The following SP3 variants were observed in gnomAD, a reference collection of about 807,000 sequenced individuals.
The protein encoded by SP3 is transcription factor Sp3.
In SP3, 10 loss-of-function variants were observed where a neutral mutation model predicts 70.3. The ratio of observed to expected loss-of-function variants is 0.14; its 90% confidence interval spans 0.09 to 0.24. SP3 has a LOEUF of 0.24. Among genes scored for constraint, SP3 ranks in the 10% least tolerant of loss-of-function variants. The pLI is 1.00. For synonymous variants in SP3, 402 were observed against 333.5 expected, an observed-to-expected ratio of 1.21 and a Z score of -2.24; for missense variants, 825 against 914.6, an observed-to-expected ratio of 0.90 and a Z score of 1.26.
At chr2:173,949,366 G>GA (rs549360499) in intron 4 of SP3, among the ~76,000 whole-genome samples, 15,239 of 131,314 alleles carry the variant, frequency 0.12, 986 homozygotes, top group African/African-American at 0.19. Context: ...CCTCAAAAAG[G>GA]AAAAAAAAAA....
At chr2:173,942,952 T>C (rs1280178344) in intron 4 of SP3, among the ~76,000 whole-genome samples, 5 of 152,156 alleles carry the variant, frequency 3.3e-5, no homozygotes, top group Non-Finnish European at 5.9e-5. Flanking sequence ...TATAAGTAAC[T>C]AAGAGATGAT....
At chr2:173,942,858 GTTTT>G (rs576944598) in intron 4 of SP3, among the ~76,000 whole-genome samples, 84 of 152,080 alleles carry the variant, frequency 5.5e-4, no homozygotes, top group Non-Finnish European at 9.7e-4. Flanking sequence ...AATCAAAAAT[GTTTT>G]TTTAAAAACA....
chr2:173,925,867 A>G (rs968566981), intron 4 of SP3, among the ~76,000 whole-genome samples: 1 of 152,228 alleles, frequency 6.6e-6, no homozygotes, highest in Non-Finnish European at 1.5e-5. Flanking sequence ...TACCAGGTTA[A>G]AATAGTACAC....
chr2:173,922,443 G>C (rs1689782195), intron 4 of SP3, among the ~76,000 whole-genome samples: 1 of 151,994 alleles, frequency 6.6e-6, no homozygotes, highest in Non-Finnish European at 1.5e-5. Flanking sequence ...TGAATATCCA[G>C]ATGAAGGTGT....
At chr2:173,957,395 TG>T (rs1475528634) in intron 3 of SP3, among the ~76,000 whole-genome samples, 5 of 151,906 alleles carry the variant, frequency 3.3e-5, no homozygotes, top group African/African-American at 1.2e-4. Flanking sequence ...GACACAAGAT[TG>T]AAAAAAAAGA....
intron 4 of SP3, 70 bp from the exon 5 acceptor site, chr2:173,918,855 CAT>C: frequency 2.3e-6 from 3 of 1,331,428 alleles, no homozygotes; most frequent in East Asian, 2.4e-5. Context: ...CATGAAATTA[CAT>C]GTCTTCTCCC....
chr2:173,918,560 T>C (rs778340285), intron 5 of SP3, 33 bp downstream of exon 5: 25 of 1,590,816 alleles, frequency 1.6e-5, no homozygotes, highest in Non-Finnish European at 1.9e-5. Flanking sequence ...ATTAGCACTC[T>C]TAAAAATATA....
chr2:173,930,450 T>C (rs542319879), intron 4 of SP3, among the ~76,000 whole-genome samples: 5 of 152,320 alleles, frequency 3.3e-5, no homozygotes, highest in Non-Finnish European at 7.3e-5. Context: ...CTTCTTCTAA[T>C]CCTACAAATT....
intron 3 of SP3, among the ~76,000 whole-genome samples, chr2:173,959,447 C>CA (rs1274174146): frequency 6.7e-6 from 1 of 150,364 alleles, no homozygotes; most frequent in Non-Finnish European, 1.5e-5. Flanking sequence ...ACAACCGTGA[C>CA]AGGGCCGGTG....
intron 4 of SP3, among the ~76,000 whole-genome samples, chr2:173,954,557 A>G (rs776264981): frequency 2.6e-5 from 4 of 152,306 alleles, no homozygotes; most frequent in African/African-American, 7.2e-5. Flanking sequence ...CAACCAAGAC[A>G]CCCTACCTGC....
chr2:173,918,752 T>A lies in SP3; in HGVS notation c.1673A>T (p.Glu558Val). 6.2e-7 allele frequency: 1 copy of A among 1,613,316 alleles called. No homozygotes were observed. The highest frequency in any genetic ancestry group is 8.5e-7 in the Non-Finnish European group (1 of 1,179,522). Residue 558 changes from glutamate (E) to valine (V), a missense_variant, in exon 5 of 7, where the codon GAA becomes GTA. By Grantham distance (121) the Glu-to-Val change is moderately radical (BLOSUM62 -2). This residue lies in a region of SP3 where 678 missense variants were observed against 651.6 expected (regional missense o/e 1.04). Coordinates refer to ENST00000310015, the MANE Select transcript of SP3 (RefSeq NM_003111.5). ...IRIKEEEPDP[E>V]EWQLSGDSTL... ...AGAATCACCACTGAGCTGCCACTCT[T>A]CAGGATCAGGTTCTTCTTCCTTGAT...
chr2:173,939,874 G>C (rs1357830351), intron 4 of SP3, among the ~76,000 whole-genome samples: 3 of 151,774 alleles, frequency 2.0e-5, no homozygotes, highest in African/African-American at 7.3e-5. Flanking sequence ...AGAAAGGAGG[G>C]GGCATGGAAA....
Position 173,907,455 on chromosome 2 carries a change from A to G in SP3, c.*2486T>C, listed in dbSNP as rs1274927392. ...ACACTGAGGTTACATAACTTTGGTA[A>G]AAGTTCCAAAGTTCACTAATATATT... On this transcript the variant is annotated 3_prime_UTR_variant, in exon 7 of 7. Coordinates refer to ENST00000310015, the MANE Select transcript of SP3 (RefSeq NM_003111.5). 3 of 152,142 alleles carry G rather than the reference A, an allele frequency of 2.0e-5. No individual in the cohort carries two copies. The highest frequency in any genetic ancestry group is 2.9e-5 in the Non-Finnish European group (2 of 67,974). 9.4% of individuals were successfully genotyped at this position (152,142 alleles called of 1,614,324 possible).
At chr2:173,944,779 C>CA (rs912503941) in intron 4 of SP3, among the ~76,000 whole-genome samples, 4 of 151,712 alleles carry the variant, frequency 2.6e-5, no homozygotes, top group African/African-American at 9.7e-5. Context: ...TATACTATTC[C>CA]AAAAAAATTA....
At chr2:173,929,523 T>C (rs1222372658) in intron 4 of SP3, among the ~76,000 whole-genome samples, 4 of 152,032 alleles carry the variant, frequency 2.6e-5, no homozygotes, top group East Asian at 1.9e-4. Context: ...TGACAGAATA[T>C]AAAAAATGCT....
chr2:173,963,974 G>C, intron 2 of SP3, 91 bp from the exon 3 acceptor site: 1 of 879,176 alleles, frequency 1.1e-6, no homozygotes, highest in Non-Finnish European at 1.6e-6. Context: ...GTACGACTCG[G>C]TCCCCGCCGA....
chr2:173,960,438 G>A (rs1336616836), intron 3 of SP3, among the ~76,000 whole-genome samples: 2 of 152,138 alleles, frequency 1.3e-5, no homozygotes, highest in African/African-American at 4.8e-5. Context: ...AAGAACTTAG[G>A]CAAATATTCA....
At chr2:173,959,599 T>C in intron 3 of SP3, among the ~76,000 whole-genome samples, 1 of 151,920 alleles carries the variant, frequency 6.6e-6, no homozygotes, top group East Asian at 1.9e-4. Context: ...GGTGTACATC[T>C]GTAGTCCCAG....
chr2:173,918,001 T>TA (rs1553515545), intron 5 of SP3, among the ~76,000 whole-genome samples: 5,277 of 150,910 alleles, frequency 0.035, 158 homozygotes, highest in Admixed American at 0.1. Context: ...TTTTTTTTTT[T>TA]AAAAAAAATA....
Sources: allele counts gnomAD v4.1 joint callset (sites outside exome capture counted in the v4.1 genomes callset), GRCh38; gene constraint gnomAD v4.1.1; regional missense constraint gnomAD v4.1.1; transcripts MANE v1.5; gene names NCBI Gene and HGNC (gene_info 2026-07-23, HGNC 2026-07-21).